MYOF: variants seen among roughly 807,000 people sequenced by gnomAD.
The protein encoded by MYOF is fer-1-like 3, myoferlin.
In MYOF, 244 loss-of-function variants were observed where a neutral mutation model predicts 284.2. The observed-to-expected ratio is 0.86, with a 90% CI of 0.77 to 0.95. The LOEUF is 0.95. Among genes scored for constraint, MYOF ranks in the 40% least tolerant of loss-of-function variants. MYOF has a pLI of 0.00. For synonymous variants in MYOF, 904 were observed against 919.7 expected, an observed-to-expected ratio of 0.98 and a Z score of 0.31; for missense variants, 2,496 against 2,560.6, an observed-to-expected ratio of 0.97 and a Z score of 0.54.
At chr10:93,423,569 T>C (rs1444863789) in intron 5 of MYOF, among the ~76,000 whole-genome samples, 16 of 132,870 alleles carry the variant, frequency 1.2e-4, no homozygotes, top group East Asian at 4.7e-4. Flanking sequence ...TGCAGTGGTT[T>C]ACGCCTGTAA....
intron 3 of MYOF, among the ~76,000 whole-genome samples, chr10:93,442,913 C>T (rs2056311904): frequency 6.6e-6 from 1 of 152,152 alleles, no homozygotes; most frequent in African/African-American, 2.4e-5. Context: ...AATCCCAGTA[C>T]TTTGGGAGGC....
chr10:93,329,686 C>T lies in MYOF; in HGVS notation c.4960G>A (p.Gly1654Ser), dbSNP rs200675152. 1.9e-5 allele frequency: 30 copies of T among 1,614,004 alleles called. No individual in the cohort carries two copies. The highest frequency in any genetic ancestry group is 6.7e-5 in the African/African-American group (5 of 74,942). ...TACACACAGTACTCCTCTGGTATGC[C>T]GCAGTGGGACCCAAAGCGGGAAAGG... The part of the protein sequence containing the change: ...RFLSRFGSHC[G>S]IPEEYCVSGV... The change falls in exon 44 of 54, where the codon GGC becomes AGC. Residue 1654 changes from glycine to serine, a missense_variant. By Grantham distance (56) the Gly-to-Ser change is moderately conservative. This residue lies in a region of MYOF where 2,436 missense variants were observed against 2,480.7 expected (regional missense o/e 0.98). Coordinates refer to ENST00000359263, the MANE Select transcript of MYOF (RefSeq NM_013451.4).
intron 1 of MYOF, among the ~76,000 whole-genome samples, chr10:93,474,439 C>T (rs2057216114): frequency 6.6e-6 from 1 of 152,182 alleles, no homozygotes; most frequent in African/African-American, 2.4e-5. Context: ...AGCCAAATGA[C>T]ACTTTCTCCA....
At chr10:93,388,402 G>C (rs1019759815) in intron 18 of MYOF, among the ~76,000 whole-genome samples, 2 of 152,234 alleles carry the variant, frequency 1.3e-5, no homozygotes, top group African/African-American at 4.8e-5. Flanking sequence ...AGATGTAGGA[G>C]GAAGAAGTTC....
At chr10:93,314,587 A>T (rs1442763316) in intron 50 of MYOF, among the ~76,000 whole-genome samples, 1 of 152,220 alleles carries the variant, frequency 6.6e-6, no homozygotes. Context: ...TTAAACTGTC[A>T]GGCTCAGGGA....
rs1262921174 is a variant in MYOF at position 93,316,700 on chromosome 10, A to C, written c.5698+14T>G. On this transcript the variant is annotated intron_variant, in intron 50 of 53. Coordinates refer to ENST00000359263, the MANE Select transcript of MYOF (RefSeq NM_013451.4). ...ACAGTTTCTTAGAAACAATGATCCA[A>C]ATGTAAGCCCTACCCAAGTAGTCAT... 6.3e-7 allele frequency: 1 copy of C among 1,591,800 alleles called. No individual in the cohort carries two copies. The highest frequency in any genetic ancestry group is 2.2e-5 in the East Asian group (1 of 44,778).
chr10:93,326,155 G>A (rs1843037627), intron 45 of MYOF, among the ~76,000 whole-genome samples, 190 bp from the exon 46 acceptor site: 1 of 152,200 alleles, frequency 6.6e-6, no homozygotes, highest in Non-Finnish European at 1.5e-5. Flanking sequence ...GTCCCAACCA[G>A]GCTCAAGCCT....
intron 43 of MYOF, among the ~76,000 whole-genome samples, chr10:93,330,090 G>A (rs1843234433): frequency 6.6e-6 from 1 of 152,170 alleles, no homozygotes; most frequent in South Asian, 2.1e-4. Flanking sequence ...TACCTCTGCT[G>A]CTTACCAGCT....
chr10:93,427,075 A>G (rs1275641165), intron 4 of MYOF, among the ~76,000 whole-genome samples: 3 of 150,448 alleles, frequency 2.0e-5, no homozygotes, highest in African/African-American at 7.3e-5. Flanking sequence ...TTTAGTAGAG[A>G]TGGGGTTTCA....
At chr10:93,369,624 T>G (rs1845494220) in intron 25 of MYOF, 21 bp downstream of exon 25, 1 of 1,613,518 alleles carries the variant, frequency 6.2e-7, no homozygotes, top group Non-Finnish European at 8.5e-7. Context: ...GAAGAAAAGA[T>G]AGTGAAATCA....
At chr10:93,439,589 T>C (rs2056182421) in intron 3 of MYOF, among the ~76,000 whole-genome samples, 1 of 152,224 alleles carries the variant, frequency 6.6e-6, no homozygotes, top group African/African-American at 2.4e-5. Context: ...GCCTGACTAA[T>C]TCAGACTCAG....
At chr10:93,423,120 C>T (rs1022383803) in intron 5 of MYOF, among the ~76,000 whole-genome samples, 4 of 152,110 alleles carry the variant, frequency 2.6e-5, no homozygotes, top group South Asian at 2.1e-4. Context: ...GATAAGGTTA[C>T]GGACCTTAAG....
At position 93,343,930 on chromosome 10, in the gene MYOF, A is replaced by C. The variant is rs1216373891; in HGVS notation, c.4252T>G (p.Ser1418Ala). ...KEDIVPQLKA[S>A]LLSAPPCRDI... ...CGGCATGGTGGGGCAGACAGAAGGG[A>C]GGCTGCAAGACAAATACTTTCTTAA... is the stretch of plus-strand genomic sequence containing the variant. The change falls in exon 38 of 54, where the codon TCC becomes GCC. Residue 1418 changes from serine (S) to alanine (A), a missense_variant and splice_region_variant. Transcript: ENST00000359263. 6.2e-7 allele frequency: 1 copy of C among 1,614,144 alleles called. No homozygotes were observed. Among genetic ancestry groups the C allele is most frequent in the Non-Finnish European group, 8.5e-7 (1 of 1,179,988 alleles).
chr10:93,412,137 T>TA (rs1847922474), intron 5 of MYOF, among the ~76,000 whole-genome samples: 1 of 152,212 alleles, frequency 6.6e-6, no homozygotes, highest in Non-Finnish European at 1.5e-5. Flanking sequence ...TCCAGAAAGC[T>TA]AAGGCAACTT....
intron 3 of MYOF, among the ~76,000 whole-genome samples, chr10:93,437,852 C>A (rs72819020): frequency 0.14 from 21,547 of 152,148 alleles, 1,643 homozygotes; most frequent in Middle Eastern, 0.2. Context: ...CCTGATCCCC[C>A]GCCAAAAGGC....
Position 93,328,906 on chromosome 10 carries a change from C to G in MYOF, c.4988G>C (p.Gly1663Ala). The part of the protein sequence containing the change: ...CGIPEEYCVS[G>A]VNTWRDQLRP... Reference sequence around the variant, plus strand: ...CAGTTGATCTCGCCAGGTATTGACTCCAGAACTGTGAATAGCATCACGTGG... The same window carrying G: ...CAGTTGATCTCGCCAGGTATTGACTGCAGAACTGTGAATAGCATCACGTGG... The change falls in exon 45 of 54, where the codon GGA (glycine) becomes GCA (alanine). Residue 1663 changes from glycine (G) to alanine (A), a missense_variant. Gly to Ala is a moderately conservative substitution (Grantham distance 60). This residue lies in a region of MYOF where 2,436 missense variants were observed against 2,480.7 expected (regional missense o/e 0.98). Transcript: ENST00000359263. The G allele has an allele frequency of 6.2e-7, 1 of 1,603,504 alleles. No individual in the cohort carries two copies. Among genetic ancestry groups the G allele is most frequent in the Non-Finnish European group, 8.5e-7 (1 of 1,171,732 alleles).
In MYOF at chr10:93,402,883, A is replaced by G. The variant is rs1589512296; in HGVS notation, c.851T>C (p.Val284Ala). The G allele has an allele frequency of 7.4e-6, 12 of 1,612,064 alleles. No individual in the cohort carries two copies. In the African/African-American group the frequency reaches 8.0e-5, roughly 11 times the overall value. The change falls in exon 10 of 54, where the codon GTT becomes GCT. Residue 284 changes from valine to alanine, a missense_variant. Val to Ala is a moderately conservative substitution (Grantham distance 64, BLOSUM62 0). Coordinates refer to ENST00000359263, the MANE Select transcript of MYOF (RefSeq NM_013451.4). The stretch of plus-strand genomic sequence containing the variant: ...ACCAGGTTCATCATAAACAAATCCA[A>G]CATCAATCTGGGAAAACAATAATCG... ...DCLMGEFKIDVGFVYDEPGHA... is the reference protein window; with the variant it reads ...DCLMGEFKIDAGFVYDEPGHA...
At chr10:93,478,051 G>A (rs983033062) in intron 1 of MYOF, 3 of 182,852 alleles carry the variant, frequency 1.6e-5, no homozygotes, top group African/African-American at 7.2e-5. Flanking sequence ...AATAGAAGAG[G>A]TGTGGGGAGA....
intron 5 of MYOF, among the ~76,000 whole-genome samples, chr10:93,414,190 T>C (rs1848020496): frequency 3.3e-5 from 1 of 29,916 alleles, no homozygotes; most frequent in Admixed American, 2.7e-4. Flanking sequence ...CTCCAGTCTC[T>C]GCCTCTGTGT....
Sources: allele counts gnomAD v4.1 joint callset (sites outside exome capture counted in the v4.1 genomes callset), GRCh38; gene constraint gnomAD v4.1.1; regional missense constraint gnomAD v4.1.1; transcripts MANE v1.5; gene names NCBI Gene and HGNC (gene_info 2026-07-23, HGNC 2026-07-21).